TMEM135: variants seen among roughly 807,000 people sequenced by gnomAD.
TMEM135 encodes transmembrane protein 135, also known as peroxisomal membrane protein 52.
In TMEM135, 30 loss-of-function variants were observed where a neutral mutation model predicts 60.3. The ratio of observed to expected loss-of-function variants is 0.50; its 90% CI spans 0.37 to 0.68. The LOEUF (loss-of-function observed/expected upper bound fraction) is 0.68, where lower values mean the gene tolerates loss of function less well. Among genes scored for constraint, TMEM135 ranks in the 30% least tolerant of loss-of-function variants. The pLI, the probability that TMEM135 is intolerant of heterozygous loss-of-function variation, is 0.00. For synonymous variants in TMEM135, 190 were observed against 186.7 expected (o/e 1.02, Z -0.14); for missense variants, 468 against 548.8 (o/e 0.85, Z 1.47).
intron 1 of TMEM135, 128 bp from the exon 2 acceptor site, chr11:87,067,566 T>A: frequency 8.3e-7 from 1 of 1,209,376 alleles, no homozygotes; most frequent in Non-Finnish European, 1.2e-6. Flanking sequence ...TTATAGAAGA[T>A]CCAGTGAAAT....
intron 8 of TMEM135, among the ~76,000 whole-genome samples, chr11:87,304,684 T>C (rs1361597068): frequency 6.6e-6 from 1 of 152,222 alleles, no homozygotes. Flanking sequence ...TCTGTAAAGG[T>C]CTTGCTAATC....
intron 4 of TMEM135, among the ~76,000 whole-genome samples, chr11:87,133,456 AG>A (rs1235862386): frequency 4.6e-5 from 7 of 152,220 alleles, no homozygotes; most frequent in Non-Finnish European, 8.8e-5. Flanking sequence ...TATATTTTCT[AG>A]AATTTTATAT....
chr11:87,080,935 C>T (rs771578942), intron 3 of TMEM135, among the ~76,000 whole-genome samples: 1 of 152,212 alleles, frequency 6.6e-6, no homozygotes, highest in Non-Finnish European at 1.5e-5. Context: ...ATCCACACGC[C>T]TTGGCCTCCC....
rs771650737 is a variant in TMEM135 at position 87,323,668 on chromosome 11, A to G, written c.*2335A>G. 2.2e-6 allele frequency: 1 copy of G among 453,628 alleles called. No individual in the cohort carries two copies. Among genetic ancestry groups the G allele is most frequent in the Non-Finnish European group, 4.4e-6 (1 of 226,674 alleles). 28.1% of individuals were successfully genotyped at this position (453,628 alleles called of 1,614,324 possible). ...GATTGAAAAACCGTGCATTTGGGGC[A>G]GTGGTATTATGGTCATTTCGTTGCT... On this transcript the variant is annotated 3_prime_UTR_variant, in exon 15 of 15. Transcript: ENST00000305494.
chr11:87,239,603 C>T (rs1456978700), intron 6 of TMEM135, among the ~76,000 whole-genome samples: 1 of 151,980 alleles, frequency 6.6e-6, no homozygotes, highest in African/African-American at 2.4e-5. Context: ...GTTCCCAGGA[C>T]TCCATTTATG....
At chr11:87,273,216 G>A (rs1487211732) in intron 6 of TMEM135, among the ~76,000 whole-genome samples, 2 of 152,124 alleles carry the variant, frequency 1.3e-5, no homozygotes, top group African/African-American at 4.8e-5. Context: ...TATTAGCTGA[G>A]CAATTCTGGA....
At chr11:87,172,354 A>G (rs990079174) in intron 5 of TMEM135, among the ~76,000 whole-genome samples, 1 of 152,188 alleles carries the variant, frequency 6.6e-6, no homozygotes, top group Non-Finnish European at 1.5e-5. Flanking sequence ...GTATATTTAA[A>G]GATTTTTGTA....
At chr11:87,239,809 T>A (rs772780405) in intron 6 of TMEM135, among the ~76,000 whole-genome samples, 1 of 151,968 alleles carries the variant, frequency 6.6e-6, no homozygotes, top group Non-Finnish European at 1.5e-5. Context: ...TTTCCAAAGA[T>A]GTCACAAGAT....
intron 6 of TMEM135, among the ~76,000 whole-genome samples, chr11:87,293,089 C>CAAT: frequency 6.6e-6 from 1 of 152,344 alleles, no homozygotes; most frequent in East Asian, 1.9e-4. Flanking sequence ...GTTTTCCAGT[C>CAAT]AATAGACCCC....
chr11:87,216,453 A>G lies in TMEM135; in HGVS notation c.463-20185A>G, dbSNP rs1255601382. Among the ~76,000 whole-genome samples the G allele has an allele frequency of 2.0e-5, 3 of 152,044 alleles. No individual in the cohort carries two copies. The East Asian group carries it at 5.8e-4, about 29-fold the overall frequency. Reference sequence around the variant, plus strand: ...GTGTTGACGTAGTGTTTTCCAAGATATTCTTCATGTATTCCCAGAGTTTTG... The same window carrying G: ...GTGTTGACGTAGTGTTTTCCAAGATGTTCTTCATGTATTCCCAGAGTTTTG... On this transcript the variant is annotated intron_variant, in intron 5 of 14. Transcript: ENST00000305494.
chr11:87,245,774 C>T (rs1168912016), intron 6 of TMEM135, among the ~76,000 whole-genome samples: 1 of 104,806 alleles, frequency 9.5e-6, no homozygotes, highest in Admixed American at 8.9e-5. Flanking sequence ...TTCCTGAGTA[C>T]AGCACACTGA....
At chr11:87,120,098 T>TTATTA (rs1858005121) in intron 4 of TMEM135, among the ~76,000 whole-genome samples, 1 of 112,208 alleles carries the variant, frequency 8.9e-6, no homozygotes, top group Non-Finnish European at 1.9e-5. Context: ...CTTATTAGTC[T>TTATTA]GTTTTTTTCT....
At chr11:87,187,864 A>G (rs2135312023) in intron 5 of TMEM135, among the ~76,000 whole-genome samples, 1 of 152,304 alleles carries the variant, frequency 6.6e-6, no homozygotes, top group South Asian at 2.1e-4. Flanking sequence ...TCTAGTACAG[A>G]ATATTACTTA....
intron 1 of TMEM135, among the ~76,000 whole-genome samples, chr11:87,063,211 A>T (rs766328979): frequency 5.9e-5 from 9 of 152,306 alleles, no homozygotes; most frequent in Middle Eastern, 3.4e-3. Context: ...TTTTCACTTT[A>T]TATATTTTGA....
At chr11:87,138,356 G>T (rs896765444) in intron 4 of TMEM135, among the ~76,000 whole-genome samples, 1 of 152,182 alleles carries the variant, frequency 6.6e-6, no homozygotes, top group African/African-American at 2.4e-5. Context: ...CTCCCAAAGC[G>T]CTGGGATTAC....
chr11:87,064,651 G>A (rs565774118), intron 1 of TMEM135, among the ~76,000 whole-genome samples: 1 of 152,332 alleles, frequency 6.6e-6, no homozygotes, highest in Admixed American at 6.5e-5. Context: ...GGGAGGCCGA[G>A]GTGGGCGGAT....
At chr11:87,300,348 A>G (rs1300866357) in intron 7 of TMEM135, among the ~76,000 whole-genome samples, 1 of 152,224 alleles carries the variant, frequency 6.6e-6, no homozygotes, top group African/African-American at 2.4e-5. Flanking sequence ...ACGGGAGAAA[A>G]GCCAGTGTGA....
At chr11:87,172,418 G>A (rs955054876) in intron 5 of TMEM135, among the ~76,000 whole-genome samples, 35 of 151,378 alleles carry the variant, frequency 2.3e-4, no homozygotes, top group African/African-American at 8.5e-4. Context: ...AGAAAGAAAA[G>A]TAGGTTTTTT....
chr11:87,189,781 C>T (rs934442342), intron 5 of TMEM135, among the ~76,000 whole-genome samples: 2 of 125,076 alleles, frequency 1.6e-5, no homozygotes, highest in Non-Finnish European at 3.6e-5. Context: ...AAAAATTGAC[C>T]GGGCATGTGC....
Sources: gnomAD v4.1 joint callset for allele counts (sites outside exome capture counted in the v4.1 genomes callset) on GRCh38, gnomAD v4.1.1 for gene constraint, MANE v1.5 for transcripts, NCBI Gene and HGNC (gene_info 2026-07-23, HGNC 2026-07-21) for gene names.